CYSTM1: variants seen among roughly 807,000 people sequenced by gnomAD.
CYSTM1 encodes the protein cysteine-rich transmembrane module-containing protein 1.
In CYSTM1, 4 loss-of-function variants were observed where a neutral mutation model predicts 13.1. That is an observed-to-expected ratio of 0.31 (90% CI 0.15 to 0.70). The LOEUF is 0.70. Among genes scored for constraint, CYSTM1 ranks in the 30% least tolerant of loss-of-function variants. The probability of loss-of-function intolerance (pLI) is 0.72; values close to 1 mark genes in which losing one functional copy is unlikely to be tolerated. For missense variants in CYSTM1, 96 were observed against 121.6 expected (o/e 0.79, Z 0.99); for synonymous variants, 36 against 42.7 (o/e 0.84, Z 0.62).
chr5:140,202,602 G>A (rs1014608343), intron 2 of CYSTM1: 2 of 152,336 alleles, frequency 1.3e-5, no homozygotes, highest in Admixed American at 1.3e-4. Context: ...TGCTGGGTTG[G>A]ATTTGTACAC....
At chr5:140,201,915 G>A (rs1473864237) in intron 2 of CYSTM1, 1 of 151,336 alleles carries the variant, frequency 6.6e-6, no homozygotes, top group Non-Finnish European at 1.5e-5. Context: ...CAGAAAGTGG[G>A]GGAATCCTCT....
intron 2 of CYSTM1, among the ~76,000 whole-genome samples, chr5:140,240,833 G>A (rs190537728): frequency 3.2e-4 from 48 of 152,226 alleles, no homozygotes; most frequent in Admixed American, 1.4e-3. Context: ...CAAGGAAAAC[G>A]CAGGTCACTC....
At chr5:140,202,534 C>A (rs1404066034) in intron 2 of CYSTM1, 3 of 152,206 alleles carry the variant, frequency 2.0e-5, no homozygotes, top group Non-Finnish European at 4.4e-5. Context: ...AAGATTGATT[C>A]ATCTCTGCTC....
rs1308734489 is a variant in CYSTM1, at chr5:140,203,247, C to T, written c.187+8595C>T. On this transcript the variant is annotated intron_variant, in intron 2 of 2. Coordinates refer to ENST00000261811, the MANE Select transcript of CYSTM1 (RefSeq NM_032412.4). Reference sequence around the variant, plus strand: ...CTTCTAATTTTGAAACAATTTCAGACTTAGAAAAACATTGCAAAGATAATA... The same window carrying T: ...CTTCTAATTTTGAAACAATTTCAGATTTAGAAAAACATTGCAAAGATAATA... 4 of 152,328 alleles carry T rather than the reference C, an allele frequency of 2.6e-5. No homozygotes were observed. The East Asian group carries it at 7.7e-4, about 29-fold the overall frequency. 9.4% of individuals were successfully genotyped at this position (152,328 alleles called of 1,614,324 possible).
chr5:140,194,585 G>A lies in CYSTM1; in HGVS notation c.120G>A (p.Gly40=). ...GGGGACCCTACCCACCTCCTCAAGG[G>A]TACCCCTACCAAGGATACCCACAGT... ...PMGGPYPPPQ[G]YPYQGYPQYG... The change falls in exon 2 of 3, where the codon GGG becomes GGA. Residue 40 remains glycine, a synonymous_variant. Transcript: ENST00000261811. 3 of 1,613,526 alleles carry A rather than the reference G, an allele frequency of 1.9e-6. No homozygotes were observed. The highest frequency in any genetic ancestry group is 2.2e-5 in the South Asian group (2 of 91,042).
intron 2 of CYSTM1, among the ~76,000 whole-genome samples, chr5:140,222,588 T>C (rs556192112): frequency 6.6e-6 from 1 of 152,360 alleles, no homozygotes; most frequent in African/African-American, 2.4e-5. Flanking sequence ...TCAGTTCCAG[T>C]GTACTGGTAG....
intron 2 of CYSTM1, among the ~76,000 whole-genome samples, chr5:140,196,072 A>T (rs950485134): frequency 1.3e-5 from 2 of 152,012 alleles, no homozygotes; most frequent in South Asian, 4.2e-4. Context: ...TGTGTGTCAC[A>T]TGGTCTCCTA....
Position 140,243,389 on chromosome 5 carries a change from G to A in CYSTM1, c.272G>A (p.Cys91Tyr), listed in dbSNP as rs140549921. The change falls in exon 3 of 3, where the codon TGT becomes TAT. Residue 91 changes from cysteine to tyrosine, a missense_variant. Cys to Tyr is a radical substitution (Grantham distance 194, BLOSUM62 -2). Coordinates refer to ENST00000261811, the MANE Select transcript of CYSTM1 (RefSeq NM_032412.4). ...TACWTALCCC[C>Y]LWDMLT Reference sequence around the variant, plus strand: ...TGCTGGACGGCTCTCTGTTGCTGCTGTCTCTGGGACATGCTCACCTGACCA... The same window carrying A: ...TGCTGGACGGCTCTCTGTTGCTGCTATCTCTGGGACATGCTCACCTGACCA... 6.2e-7 allele frequency: 1 copy of A among 1,614,080 alleles called. No individual in the cohort carries two copies. Among genetic ancestry groups the A allele is most frequent in the Non-Finnish European group, 8.5e-7 (1 of 1,180,002 alleles).
chr5:140,175,781 G>A lies in CYSTM1; in HGVS notation c.-21+496G>A, dbSNP rs1763875399. Among the ~76,000 whole-genome samples, 1 of 152,240 alleles carries A rather than the reference G, an allele frequency of 6.6e-6. No individual in the cohort carries two copies. The highest frequency in any genetic ancestry group is 1.5e-5 in the Non-Finnish European group (1 of 68,038). ...GAGCGGAAGTAACTAGTGACTGGAA[G>A]TAACTAGGGAACGCAAAGCCGGCGC... On this transcript the variant is annotated intron_variant, in intron 1 of 2. Coordinates refer to ENST00000261811, the MANE Select transcript of CYSTM1 (RefSeq NM_032412.4). The surrounding 1 kb of genome is among the most constrained non-coding windows in gnomAD (Gnocchi z 4.9).
chr5:140,201,305 A>G lies in CYSTM1; in HGVS notation c.187+6653A>G, dbSNP rs1764222471. The G allele has an allele frequency of 2.0e-5, 3 of 152,070 alleles. No homozygotes were observed. In the South Asian group the frequency reaches 6.2e-4, roughly 31 times the overall value. 9.4% of individuals were successfully genotyped at this position (152,070 alleles called of 1,614,324 possible). On this transcript the variant is annotated intron_variant, in intron 2 of 2. Transcript: ENST00000261811. Reference sequence around the variant, plus strand: ...ATGCAAAATATATCCACCCCCTTCCACCACCACTAGATGTCTCATCCAATA... The same window carrying G: ...ATGCAAAATATATCCACCCCCTTCCGCCACCACTAGATGTCTCATCCAATA...
intron 2 of CYSTM1, among the ~76,000 whole-genome samples, chr5:140,240,775 C>T (rs1764738275): frequency 6.6e-6 from 1 of 152,072 alleles, no homozygotes; most frequent in Non-Finnish European, 1.5e-5. Context: ...TGAGGGCTGC[C>T]TTGGGGGTTT....
chr5:140,207,085 G>A (rs1012817012), intron 2 of CYSTM1, among the ~76,000 whole-genome samples: 3 of 152,178 alleles, frequency 2.0e-5, no homozygotes, highest in Non-Finnish European at 4.4e-5. Flanking sequence ...CATAGACAGG[G>A]CCAGCATCTT....
chr5:140,188,533 T>A (rs1252001787), intron 1 of CYSTM1, among the ~76,000 whole-genome samples: 2 of 152,196 alleles, frequency 1.3e-5, no homozygotes, highest in African/African-American at 2.4e-5. Context: ...GGCTCACGCC[T>A]GTAATCCCAG....
At chr5:140,241,799 G>T (rs1047784185) in intron 2 of CYSTM1, among the ~76,000 whole-genome samples, 1 of 152,274 alleles carries the variant, frequency 6.6e-6, no homozygotes, top group African/African-American at 2.4e-5. Flanking sequence ...GGTAGGGTAG[G>T]CTCTGGCTGG....
At chr5:140,202,730 A>C (rs1199961803) in intron 2 of CYSTM1, 1 of 152,226 alleles carries the variant, frequency 6.6e-6, no homozygotes, top group Admixed American at 6.5e-5. Context: ...TGGTTTGGCC[A>C]GTGCTTTAGA....
At chr5:140,188,864 A>AT (rs945340980) in intron 1 of CYSTM1, among the ~76,000 whole-genome samples, 6 of 151,994 alleles carry the variant, frequency 3.9e-5, no homozygotes, top group African/African-American at 1.2e-4. Context: ...CAATAAATAT[A>AT]TTTTTTCTAG....
intron 1 of CYSTM1, among the ~76,000 whole-genome samples, chr5:140,186,775 T>TAC (rs1426826565): frequency 6.6e-6 from 1 of 152,204 alleles, no homozygotes; most frequent in East Asian, 1.9e-4. Context: ...TAAACTAATA[T>TAC]GTCAATGCCA....
intron 2 of CYSTM1, among the ~76,000 whole-genome samples, chr5:140,213,687 C>T (rs1202888794): frequency 1.3e-5 from 2 of 152,166 alleles, no homozygotes; most frequent in Non-Finnish European, 2.9e-5. Flanking sequence ...TGTTTAGACA[C>T]ATAGATGCTT....
intron 1 of CYSTM1, among the ~76,000 whole-genome samples, chr5:140,181,747 C>T (rs1763964488): frequency 6.6e-6 from 1 of 152,220 alleles, no homozygotes; most frequent in Non-Finnish European, 1.5e-5. Flanking sequence ...TGAGCCACTG[C>T]ACCTGCAAGA....
Sources: allele counts gnomAD v4.1 joint callset (sites outside exome capture counted in the v4.1 genomes callset), GRCh38; gene constraint gnomAD v4.1.1; non-coding constraint Gnocchi (gnomAD v3.1); transcripts MANE v1.5; gene names NCBI Gene and HGNC (gene_info 2026-07-23, HGNC 2026-07-21).